ADGB: variants seen among roughly 807,000 people sequenced by gnomAD.
ADGB encodes the protein calpain-7-like protein.
ADGB carries 172 observed loss-of-function variants against 210.5 expected under a neutral mutation model. The observed-to-expected ratio is 0.82, with a 90% CI of 0.72 to 0.93. The LOEUF is 0.93. ADGB is among the 40% of genes least tolerant of loss of function. ADGB has a pLI of 0.00. For synonymous variants in ADGB, 658 were observed against 662.7 expected (o/e 0.99, Z 0.11); for missense variants, 2,025 against 1,964.8 (o/e 1.03, Z -0.58).
intron 1 of ADGB, among the ~76,000 whole-genome samples, chr6:146,629,446 T>C (rs1781027412): frequency 1.3e-5 from 2 of 152,182 alleles, no homozygotes; most frequent in Non-Finnish European, 2.9e-5. Context: ...GATGGACACA[T>C]ATTTGATGCG....
intron 12 of ADGB, among the ~76,000 whole-genome samples, chr6:146,694,603 A>G (rs1052074205): frequency 3.9e-5 from 6 of 152,278 alleles, no homozygotes; most frequent in Non-Finnish European, 7.4e-5. Context: ...TGTGTTTTGT[A>G]AATTCATCCA....
chr6:146,802,889 C>A (rs1329772944), intron 35 of ADGB: 1 of 1,610,300 alleles, frequency 6.2e-7, no homozygotes, highest in Non-Finnish European at 8.5e-7. Flanking sequence ...TTCCCATAAT[C>A]CACTTAATTG....
intron 1 of ADGB, among the ~76,000 whole-genome samples, chr6:146,601,542 A>G (rs1435838187): frequency 1.3e-5 from 2 of 152,358 alleles, no homozygotes; most frequent in African/African-American, 4.8e-5. Flanking sequence ...CGTAGGGATC[A>G]AAGTCTAGCA....
intron 1 of ADGB, among the ~76,000 whole-genome samples, chr6:146,625,630 G>T (rs1435089433): frequency 6.6e-6 from 1 of 151,948 alleles, no homozygotes; most frequent in Admixed American, 6.6e-5. Context: ...TTAAAAGTGT[G>T]GTTCCCCCTC....
At chr6:146,685,203 G>T (rs527720658) in intron 9 of ADGB, among the ~76,000 whole-genome samples, 1 of 151,858 alleles carries the variant, frequency 6.6e-6, no homozygotes, top group African/African-American at 2.4e-5. Flanking sequence ...AATAAGCAAC[G>T]CTTAAAAGCA....
chr6:146,661,030 T>A (rs1027121236), intron 5 of ADGB, among the ~76,000 whole-genome samples: 1 of 152,128 alleles, frequency 6.6e-6, no homozygotes, highest in Non-Finnish European at 1.5e-5. Context: ...TGACCTATAG[T>A]GCTTTCAAGC....
intron 24 of ADGB, 22 bp from the exon 25 acceptor site, chr6:146,741,096 G>A (rs769469843): frequency 4.0e-6 from 6 of 1,489,038 alleles, no homozygotes; most frequent in South Asian, 1.4e-5. Context: ...TCAAGGGAAA[G>A]TTCATGCTTT....
intron 22 of ADGB, among the ~76,000 whole-genome samples, chr6:146,734,784 C>T (rs1777054750): frequency 6.6e-6 from 1 of 152,018 alleles, no homozygotes; most frequent in Admixed American, 6.6e-5. Context: ...GTGGCATGTG[C>T]CTGTAGTCCC....
In ADGB at chr6:146,801,245, G is replaced by T; in HGVS notation, c.4600G>T (p.Ala1534Ser). The change falls in exon 34 of 36, where the codon GCA becomes TCA. Residue 1534 changes from alanine (A) to serine (S), a missense_variant. Coordinates refer to ENST00000397944, the MANE Select transcript of ADGB (RefSeq NM_024694.4). ...LETSPRLIRK[A>S]LEFMDLSQYV... is the part of the protein sequence containing the mutation. The stretch of plus-strand genomic sequence containing the variant: ...AACATCTCCACGACTTATTCGAAAA[G>T]CACTAGAATTTATGGATTTAAGTCA... 1 of 1,515,082 alleles carries T rather than the reference G, an allele frequency of 6.6e-7. No individual in the cohort carries two copies. Among genetic ancestry groups the T allele is most frequent in the Non-Finnish European group, 8.8e-7 (1 of 1,130,178 alleles). The allele number at this position is 1,515,082 out of a possible 1,614,324, so 93.9% of individuals were successfully genotyped here. A position where few individuals can be genotyped will look rare whatever the true frequency, so the allele number is the denominator to read the frequency against.
chr6:146,656,324 CA>C (rs1775780382), intron 4 of ADGB, among the ~76,000 whole-genome samples: 1 of 152,222 alleles, frequency 6.6e-6, no homozygotes, highest in African/African-American at 2.4e-5. Context: ...TTAATTCTTT[CA>C]CATCTCATTC....
In ADGB at chr6:146,801,931, G is replaced by T; in HGVS notation, c.4738G>T (p.Val1580Phe). Residue 1580 changes from valine (V) to phenylalanine (F), a missense_variant, in exon 35 of 36, where the codon GTC (valine) becomes TTC (phenylalanine). Physicochemically the swap from Val to Phe is conservative, Grantham distance 50. Coordinates refer to ENST00000397944, the MANE Select transcript of ADGB (RefSeq NM_024694.4). ...IHQFRQHRTR[V>F]LSIRNIDQEE... Reference sequence around the variant, plus strand: ...TCAGTTTCGACAGCATAGGACCAGAGTCCTTAGCATTCGAAACATTGACCA... The same window carrying T: ...TCAGTTTCGACAGCATAGGACCAGATTCCTTAGCATTCGAAACATTGACCA... The T allele has an allele frequency of 6.4e-7, 1 of 1,551,000 alleles. No individual in the cohort carries two copies. Among genetic ancestry groups the T allele is most frequent in the Non-Finnish European group, 8.7e-7 (1 of 1,146,714 alleles).
intron 13 of ADGB, among the ~76,000 whole-genome samples, chr6:146,708,290 C>T (rs1221881723): frequency 6.6e-6 from 1 of 152,058 alleles, no homozygotes; most frequent in Non-Finnish European, 1.5e-5. Flanking sequence ...CTGAATTTGA[C>T]TATGTACTTA....
At chr6:146,813,598 T>A (rs2114679258) in intron 35 of ADGB, among the ~76,000 whole-genome samples, 1 of 150,826 alleles carries the variant, frequency 6.6e-6, no homozygotes, top group East Asian at 2.0e-4. Context: ...TTCACTGTTG[T>A]GTCCCCAGAC....
At chr6:146,729,810 C>G (rs901020831) in intron 20 of ADGB, among the ~76,000 whole-genome samples, 2 of 152,134 alleles carry the variant, frequency 1.3e-5, no homozygotes, top group Non-Finnish European at 2.9e-5. Context: ...TCCTTTTCTT[C>G]TGGGTTATCC....
At chr6:146,723,573 C>T (rs1776851755) in intron 17 of ADGB, among the ~76,000 whole-genome samples, 1 of 152,014 alleles carries the variant, frequency 6.6e-6, no homozygotes, top group Non-Finnish European at 1.5e-5. Context: ...CCTGTCTCTA[C>T]TAAAAATACA....
chr6:146,807,690 A>T, intron 35 of ADGB: 1 of 926,632 alleles, frequency 1.1e-6, no homozygotes, highest in South Asian at 2.1e-5. Flanking sequence ...GAAAATAGAA[A>T]TTGTTCTTTC....
At position 146,644,865 on chromosome 6, in the gene ADGB, G is replaced by A; in HGVS notation, c.330G>A (p.Gln110=). Residue 110 remains glutamine, a splice_region_variant and synonymous_variant, in exon 3 of 36, where the codon CAG becomes CAA. Transcript: ENST00000397944. ...WKRPQDILFS[Q]TPVVVKNEIT... ...GTCCACAAGATATTTTATTTAGTCA[G>A]GTAAGAAAGTTTTTTCTATTAAATA... 1 of 1,455,396 alleles carries A rather than the reference G, an allele frequency of 6.9e-7. No individual in the cohort carries two copies. Among genetic ancestry groups the A allele is most frequent in the Non-Finnish European group, 9.1e-7 (1 of 1,098,942 alleles). The allele number at this position is 1,455,396 out of a possible 1,614,324, so 90.2% of individuals were successfully genotyped here.
At chr6:146,653,450 T>G (rs763291034) in intron 3 of ADGB, among the ~76,000 whole-genome samples, 1 of 152,122 alleles carries the variant, frequency 6.6e-6, no homozygotes, top group Non-Finnish European at 1.5e-5. Context: ...ATCTCTCAGT[T>G]TGTGTATCTG....
chr6:146,657,007 A>G (rs1316294413), intron 5 of ADGB, 27 bp downstream of exon 5: 2 of 1,509,626 alleles, frequency 1.3e-6, no homozygotes, highest in East Asian at 4.9e-5. Flanking sequence ...GTGCATAAAA[A>G]CTCATGAGTC....
Sources: gnomAD v4.1 joint callset for allele counts (sites outside exome capture counted in the v4.1 genomes callset) on GRCh38, gnomAD v4.1.1 for gene constraint, MANE v1.5 for transcripts, NCBI Gene and HGNC (gene_info 2026-07-23, HGNC 2026-07-21) for gene names.